The following MBP variants were observed in gnomAD, a reference collection of about 807,000 sequenced individuals.
MBP encodes the protein Golli-MBP.
MBP carries 16 observed loss-of-function variants against 35.8 expected under a neutral mutation model. That is an observed-to-expected ratio of 0.45 (90% CI 0.30 to 0.68). The LOEUF (loss-of-function observed/expected upper bound fraction) is 0.68. MBP is among the 30% of genes least tolerant of loss of function. The pLI is 0.08. For synonymous variants in MBP, 143 were observed against 159.6 expected (o/e 0.90, Z 0.78); for missense variants, 380 against 404.7 (o/e 0.94, Z 0.52).
chr18:77,090,056 C>A (rs185111183), intron 2 of MBP, among the ~76,000 whole-genome samples: 3 of 152,138 alleles, frequency 2.0e-5, no homozygotes, highest in East Asian at 1.9e-4. Context: ...GTGAAGGCAG[C>A]GGCCTTCTGT....
At chr18:77,065,801 T>TGGGAAGGGATTGCAGGAGGGG (rs1974170457) in intron 3 of MBP, 2 of 154,248 alleles carry the variant, frequency 1.3e-5, no homozygotes, top group Non-Finnish European at 2.9e-5. Flanking sequence ...AAAACCGAGA[T>TGGGAAGGGATTGCAGGAGGGG]GGGAAGGGAT....
intron 7 of MBP, chr18:76,986,187 T>G: frequency 1.0e-6 from 1 of 985,546 alleles, no homozygotes; most frequent in Non-Finnish European, 1.2e-6. Context: ...CCTGAGTCTC[T>G]ACTCAATGGA....
chr18:76,988,657 G>C lies in MBP; in HGVS notation c.718-130C>G. The C allele has an allele frequency of 6.7e-7, 1 of 1,495,170 alleles. No homozygotes were observed. The highest frequency in any genetic ancestry group is 8.9e-7 in the Non-Finnish European group (1 of 1,121,616). The allele number at this position is 1,495,170 out of a possible 1,614,324, so 92.6% of individuals were successfully genotyped here. On this transcript the variant is annotated intron_variant, in intron 6 of 8. Transcript: ENST00000355994. The surrounding 1 kb of genome is among the most constrained non-coding windows in gnomAD (Gnocchi z 5.2). ...AAACAGGTTCCACCCGGAGCTCCGAGGGGGGCCGCAGGCTCAGGGCCACAG... is the reference window on the plus strand; with the variant it reads ...AAACAGGTTCCACCCGGAGCTCCGACGGGGGCCGCAGGCTCAGGGCCACAG...
Position 77,016,922 on chromosome 18 carries a change from G to C in MBP, c.486C>G (p.Phe162Leu). Reference protein sequence around the residue: ...ASTMDHARHGFLPRHRDTGIL... With the variant: ...ASTMDHARHGLLPRHRDTGIL... Reference sequence around the variant, plus strand: ...TGCCCGTGTCTCTGTGCCTTGGGAGGAAGCCATGCCTGGCATGGTCCATGG... The same window carrying C: ...TGCCCGTGTCTCTGTGCCTTGGGAGCAAGCCATGCCTGGCATGGTCCATGG... Residue 162 changes from phenylalanine (F) to leucine (L), a missense_variant, in exon 4 of 9, where the codon TTC becomes TTG. Coordinates refer to ENST00000355994, the MANE Select transcript of MBP (RefSeq NM_001025101.2). The C allele has an allele frequency of 6.2e-7, 1 of 1,614,208 alleles. No homozygotes were observed. Among genetic ancestry groups the C allele is most frequent in the South Asian group, 1.1e-5 (1 of 91,086 alleles).
At chr18:77,019,535 G>A (rs1971901921) in intron 3 of MBP, among the ~76,000 whole-genome samples, 1 of 152,210 alleles carries the variant, frequency 6.6e-6, no homozygotes, top group Non-Finnish European at 1.5e-5. Context: ...GCCTTCGGGG[G>A]AAGCAGGGCT....
At chr18:77,016,674 C>A (rs1262954838) in intron 4 of MBP, 158 bp downstream of exon 4, 1 of 1,435,830 alleles carries the variant, frequency 7.0e-7, no homozygotes, top group African/African-American at 1.4e-5. Context: ...CCACTCAGGC[C>A]CACACTCTTG....
At chr18:77,012,785 C>T (rs764779665) in intron 4 of MBP, 20 of 985,258 alleles carry the variant, frequency 2.0e-5, no homozygotes, top group Non-Finnish European at 2.2e-5. Context: ...GCAATTAGTA[C>T]ACTGTCCTTG....
intron 3 of MBP, among the ~76,000 whole-genome samples, chr18:77,043,410 C>T (rs527700210): frequency 6.1e-4 from 92 of 151,936 alleles, no homozygotes; most frequent in African/African-American, 2.2e-3. Flanking sequence ...CTGTTTTTAT[C>T]GCAGGGACAA....
intron 1 of MBP, among the ~76,000 whole-genome samples, chr18:77,110,870 A>C (rs1599260997): frequency 6.6e-6 from 1 of 152,238 alleles, no homozygotes; most frequent in East Asian, 1.9e-4. Context: ...CACTTGGGAA[A>C]GTCTTAACTT....
intron 3 of MBP, among the ~76,000 whole-genome samples, chr18:77,057,824 G>GTTT (rs780881071): frequency 0.024 from 216 of 9,184 alleles, 85 homozygotes; most frequent in African/African-American, 0.17. Context: ...GGCGGGGAGT[G>GTTT]TTTTTTTTTT....
At chr18:77,007,635 C>T (rs1971066779) in intron 4 of MBP, among the ~76,000 whole-genome samples, 2 of 152,202 alleles carry the variant, frequency 1.3e-5, no homozygotes, top group Non-Finnish European at 2.9e-5. Flanking sequence ...ATACCACACA[C>T]ACCCCCACAC....
intron 4 of MBP, among the ~76,000 whole-genome samples, chr18:77,007,360 G>A (rs904788500): frequency 1.3e-5 from 2 of 152,190 alleles, no homozygotes; most frequent in African/African-American, 4.8e-5. Context: ...GATTGCCACC[G>A]TCTTCGGGCA....
chr18:77,112,244 G>A (rs1976488996), intron 1 of MBP, among the ~76,000 whole-genome samples: 1 of 152,074 alleles, frequency 6.6e-6, no homozygotes, highest in Non-Finnish European at 1.5e-5. Flanking sequence ...ACAAGGCGTG[G>A]GAAGAAGACG....
intron 3 of MBP, among the ~76,000 whole-genome samples, chr18:77,041,015 T>A (rs979276383): frequency 1.2e-4 from 18 of 151,526 alleles, no homozygotes; most frequent in East Asian, 1.9e-4. Flanking sequence ...TGGGAGAAGA[T>A]TTTTGCAATC....
intron 8 of MBP, chr18:76,982,539 G>A (rs889404887): frequency 2.0e-5 from 3 of 152,226 alleles, no homozygotes; most frequent in Non-Finnish European, 4.4e-5. Flanking sequence ...TAGTTTCCGA[G>A]TGATGGGGGG....
intron 3 of MBP, among the ~76,000 whole-genome samples, chr18:77,057,059 C>T (rs1385063260): frequency 6.6e-6 from 1 of 152,162 alleles, no homozygotes; most frequent in Non-Finnish European, 1.5e-5. Flanking sequence ...CCAAGAACTG[C>T]CTGGGTACTA....
At chr18:77,067,628 C>T (rs1974251250) in intron 2 of MBP, among the ~76,000 whole-genome samples, 1 of 152,192 alleles carries the variant, frequency 6.6e-6, no homozygotes, top group Non-Finnish European at 1.5e-5. Context: ...GGCGTCAGTG[C>T]TGTGGGCAGC....
At chr18:77,127,858 T>C (rs1178434276) in intron 1 of MBP, 1 of 148,484 alleles carries the variant, frequency 6.7e-6, no homozygotes, top group Non-Finnish European at 1.5e-5. Context: ...AGAGCTAAAA[T>C]AATAAAAAAA....
chr18:76,979,148 G>T lies in MBP; in HGVS notation c.*1279C>A, dbSNP rs73968246. On this transcript the variant is annotated 3_prime_UTR_variant, in exon 9 of 9. Transcript: ENST00000355994. ...CTGACTACTCCTCATCTCCGTCCTC[G>T]GGGAGGGTGATGCCAGCGTGGGACT... 1 of 152,162 alleles carries T rather than the reference G, an allele frequency of 6.6e-6. No homozygotes were observed. The highest frequency in any genetic ancestry group is 2.4e-5 in the African/African-American group (1 of 41,404). The allele number at this position is 152,162 out of a possible 1,614,324, so 9.4% of individuals were successfully genotyped here.
Sources: gnomAD v4.1 joint callset for allele counts (sites outside exome capture counted in the v4.1 genomes callset) on GRCh38, gnomAD v4.1.1 for gene constraint, Gnocchi (gnomAD v3.1) non-coding constraint, MANE v1.5 for transcripts, NCBI Gene and HGNC (gene_info 2026-07-23, HGNC 2026-07-21) for gene names.